DPP4: variants seen among roughly 807,000 people sequenced by gnomAD.
DPP4 encodes the protein ADCP-2.
A neutral mutation model predicts 122.4 loss-of-function variants in DPP4; 93 were observed. That is an observed-to-expected ratio of 0.76 (90% CI 0.64 to 0.90). DPP4 has a LOEUF of 0.90. Ranked by LOEUF, DPP4 falls within the 40% of genes least tolerant of loss-of-function variation. DPP4 has a pLI of 0.00. For missense variants in DPP4, 914 were observed against 907.3 expected, an observed-to-expected ratio of 1.01 and a Z score of -0.09; for synonymous variants, 321 against 302.9, an observed-to-expected ratio of 1.06 and a Z score of -0.62.
intron 2 of DPP4, among the ~76,000 whole-genome samples, chr2:162,048,369 C>T (rs892446501): frequency 6.6e-6 from 1 of 152,084 alleles, no homozygotes. Context: ...AATTCTCTCC[C>T]TCCTCTGCAC....
At chr2:162,067,722 GAC>G (rs1244009148) in intron 2 of DPP4, among the ~76,000 whole-genome samples, 2 of 152,168 alleles carry the variant, frequency 1.3e-5, no homozygotes, top group African/African-American at 4.8e-5. Context: ...CAAATTGAGA[GAC>G]ACACCCTCTT....
At chr2:162,040,123 A>C (rs1046191306) in intron 5 of DPP4, among the ~76,000 whole-genome samples, 2 of 152,264 alleles carry the variant, frequency 1.3e-5, no homozygotes, top group African/African-American at 4.8e-5. Context: ...TCTTATATCT[A>C]ATAAACAAAT....
chr2:162,002,546 C>T (rs932353787), intron 23 of DPP4, among the ~76,000 whole-genome samples: 2 of 152,080 alleles, frequency 1.3e-5, no homozygotes, highest in East Asian at 1.9e-4. Context: ...AAACGTGAAC[C>T]GCTTTAAAAA....
intron 9 of DPP4, among the ~76,000 whole-genome samples, chr2:162,034,595 G>A (rs893883601): frequency 2.0e-5 from 3 of 152,064 alleles, no homozygotes; most frequent in East Asian, 1.9e-4. Context: ...CATCTCACCC[G>A]GCTTACGCTG....
At chr2:162,060,192 G>A (rs12615031) in intron 2 of DPP4, among the ~76,000 whole-genome samples, 2,438 of 152,290 alleles carry the variant, frequency 0.016, 28 homozygotes, top group East Asian at 0.036. Context: ...TGGTGGAGAT[G>A]AATTAGGCTT....
At chr2:162,051,226 A>G (rs1684371599) in intron 2 of DPP4, among the ~76,000 whole-genome samples, 1 of 152,256 alleles carries the variant, frequency 6.6e-6, no homozygotes, top group South Asian at 2.1e-4. Context: ...GTGTTAAGGT[A>G]TCTTAATGAA....
intron 2 of DPP4, among the ~76,000 whole-genome samples, chr2:162,062,650 C>A (rs898364601): frequency 6.6e-6 from 1 of 152,354 alleles, no homozygotes; most frequent in Non-Finnish European, 1.5e-5. Flanking sequence ...GACCCACATT[C>A]CTGGCCATAT....
At chr2:162,073,372 T>A (rs779496326) in intron 2 of DPP4, 27 bp downstream of exon 2, 2 of 1,612,244 alleles carry the variant, frequency 1.2e-6, no homozygotes, top group Non-Finnish European at 8.5e-7. Flanking sequence ...CCAACTGTCC[T>A]ATCTTTTTCA....
intron 2 of DPP4, among the ~76,000 whole-genome samples, chr2:162,068,206 T>G (rs1326010524): frequency 1.3e-5 from 2 of 152,150 alleles, no homozygotes; most frequent in Non-Finnish European, 2.9e-5. Flanking sequence ...GCAGCAGCAG[T>G]AGGCTCTTCC....
At chr2:161,997,114 T>C (rs1701026845) in intron 23 of DPP4, among the ~76,000 whole-genome samples, 2 of 152,256 alleles carry the variant, frequency 1.3e-5, no homozygotes, top group South Asian at 4.1e-4. Context: ...CCTGGCCTAG[T>C]AGGCTTAAAA....
intron 2 of DPP4, among the ~76,000 whole-genome samples, chr2:162,051,457 G>C (rs1332173379): frequency 2.0e-5 from 3 of 152,140 alleles, no homozygotes; most frequent in East Asian, 1.9e-4. Flanking sequence ...AAACTGTTTT[G>C]GTAAATAAAT....
chr2:162,049,620 C>T (rs954712958), intron 2 of DPP4, among the ~76,000 whole-genome samples: 1 of 151,956 alleles, frequency 6.6e-6, no homozygotes, highest in South Asian at 2.1e-4. Flanking sequence ...GTACATCCTG[C>T]ACATGTACCC....
intron 11 of DPP4, 94 bp downstream of exon 11, chr2:162,024,710 T>C: frequency 6.7e-7 from 1 of 1,486,452 alleles, no homozygotes; most frequent in Admixed American, 2.1e-5. Flanking sequence ...AACTCAAACT[T>C]CATTTCCTGA....
At chr2:162,006,407 AAAAACAAAT>A (rs1701283905) in intron 22 of DPP4, among the ~76,000 whole-genome samples, 2 of 152,176 alleles carry the variant, frequency 1.3e-5, no homozygotes, top group Non-Finnish European at 2.9e-5. Context: ...TCACTATAAT[AAAAACAAAT>A]AATTCAGTTA....
rs199925807 is a variant in DPP4 at position 162,005,792 on chromosome 2, G to A, written c.2005C>T (p.Arg669Cys). 3.4e-5 allele frequency: 55 copies of A among 1,612,614 alleles called. No individual in the cohort carries two copies. In the East Asian group the frequency reaches 5.6e-4, roughly 16 times the overall value. ...TCTGGAGTTGGGAGACCCATGTAAC[G>A]TTCTGTGTACACTGAGTCTGTGAAA... ...WEYYDSVYTE[R>C]YMGLPTPEDN... Residue 669 changes from arginine (R) to cysteine (C), a missense_variant, in exon 23 of 26, where the codon CGT becomes TGT. By Grantham distance (180) the Arg-to-Cys change is radical. Coordinates refer to ENST00000360534, the MANE Select transcript of DPP4 (RefSeq NM_001935.4).
intron 9 of DPP4, 31 bp from the exon 10 acceptor site, chr2:162,033,684 G>C: frequency 7.1e-7 from 1 of 1,411,484 alleles, no homozygotes; most frequent in Non-Finnish European, 9.5e-7. Context: ...AATTGGTATT[G>C]ACAAAAAAAA....
chr2:162,061,408 A>G (rs1684766776), intron 2 of DPP4, among the ~76,000 whole-genome samples: 1 of 152,176 alleles, frequency 6.6e-6, no homozygotes, highest in Non-Finnish European at 1.5e-5. Flanking sequence ...CTTACTACTT[A>G]GTCCACATTC....
At chr2:162,047,636 C>A in intron 2 of DPP4, 135 bp from the exon 3 acceptor site, 1 of 532,508 alleles carries the variant, frequency 1.9e-6, no homozygotes, top group Non-Finnish European at 3.2e-6. Flanking sequence ...ATGCAAGACA[C>A]ATTTTAAAAG....
intron 14 of DPP4, 50 bp downstream of exon 14, chr2:162,020,179 C>T (rs1683069510): frequency 6.7e-7 from 1 of 1,490,552 alleles, no homozygotes; most frequent in African/African-American, 1.4e-5. Context: ...GCAAAGAGGG[C>T]ATGATTATGA....
Sources: gnomAD v4.1 joint callset for allele counts (sites outside exome capture counted in the v4.1 genomes callset) on GRCh38, gnomAD v4.1.1 for gene constraint, MANE v1.5 for transcripts, NCBI Gene and HGNC (gene_info 2026-07-23, HGNC 2026-07-21) for gene names.